The following USH2A variants were observed in gnomAD, a reference collection of about 807,000 sequenced individuals.
USH2A encodes the protein usherin.
In USH2A, 443 loss-of-function variants were observed where a neutral mutation model predicts 538.9. That is an observed-to-expected ratio of 0.82 (90% CI 0.76 to 0.89). The LOEUF (loss-of-function observed/expected upper bound fraction) is 0.89, where lower values mean the gene tolerates loss of function less well. USH2A is among the 40% of genes least tolerant of loss of function. USH2A has a pLI of 0.00. For synonymous variants in USH2A, 2,413 were observed against 2,273.5 expected (o/e 1.06, Z -1.75); for missense variants, 6,633 against 6,324.8 (o/e 1.05, Z -1.65).
rs573498754 is a variant in USH2A, at chr1:216,004,974, A to G, written c.6326-4412T>C. On this transcript the variant is annotated intron_variant, in intron 32 of 71. Transcript: ENST00000307340. ...TCCTCTAACTACTTCAATTTTCCCA[A>G]TGAAGAAAACAAGACCATTTACCAT... Among the ~76,000 whole-genome samples the G allele has an allele frequency of 5.3e-5, 8 of 152,194 alleles. No homozygotes were observed. The South Asian group carries it at 1.0e-3, about 20-fold the overall frequency.
At chr1:215,877,041 C>G (rs1205206589) in intron 43 of USH2A, among the ~76,000 whole-genome samples, 1 of 152,126 alleles carries the variant, frequency 6.6e-6, no homozygotes, top group Non-Finnish European at 1.5e-5. Flanking sequence ...GAAATTTAAT[C>G]ACATTGCTTG....
Position 215,628,826 on chromosome 1 carries a change from G to C in USH2A, c.15507C>G (p.His5169Gln). ...GAAACCAACTCACCAGTCCACTGTT[G>C]TGGCCCATGATGGCTTCCCACAGTG... is the stretch of plus-strand genomic sequence containing the variant. Reference protein sequence around the residue: ...DNSLWEAIMGHNSGLYVDEED... With the variant: ...DNSLWEAIMGQNSGLYVDEED... The change falls in exon 71 of 72, where the codon CAC becomes CAG. Residue 5169 changes from histidine (H) to glutamine (Q), a missense_variant. Transcript: ENST00000307340. The C allele has an allele frequency of 1.2e-6, 2 of 1,614,136 alleles. No homozygotes were observed. The highest frequency in any genetic ancestry group is 1.7e-6 in the Non-Finnish European group (2 of 1,180,014).
rs34577448 is a variant in USH2A, at chr1:215,758,286, CAA to C, written c.11389+307_11389+308del. On this transcript the variant is annotated intron_variant, in intron 58 of 71. Transcript: ENST00000307340. ...GGGCAACAAGAGTGAAACTCCGTCT[CAA>C]AAAAAAAAAAAAAATAGATGAGTAA... Among the ~76,000 whole-genome samples the C allele has an allele frequency of 0.029, 3,862 of 135,194 alleles. 58 individuals carry two copies. Among genetic ancestry groups the C allele is most frequent in the South Asian group, 0.048 (199 of 4,172 alleles). The allele number at this position is 135,194 out of a possible 152,430, so 88.7% of individuals were successfully genotyped here. A position where few individuals can be genotyped will look rare whatever the true frequency, so the allele number is the denominator to read the frequency against.
intron 15 of USH2A, among the ~76,000 whole-genome samples, chr1:216,214,388 C>T (rs541475937): frequency 6.6e-6 from 1 of 152,012 alleles, no homozygotes; most frequent in African/African-American, 2.4e-5. Context: ...AACAATATGA[C>T]TGAACCTCAA....
chr1:215,634,613 G>T lies in USH2A; in HGVS notation c.15143C>A (p.Ala5048Glu). 2 of 1,614,160 alleles carry T rather than the reference G, an allele frequency of 1.2e-6. No individual in the cohort carries two copies. Among genetic ancestry groups the T allele is most frequent in the Non-Finnish European group, 1.7e-6 (2 of 1,180,040 alleles). The change falls in exon 70 of 72, where the codon GCG becomes GAG. Residue 5048 changes from alanine (A) to glutamate (E), a missense_variant. Coordinates refer to ENST00000307340, the MANE Select transcript of USH2A (RefSeq NM_206933.4). ...YSELWFIVLM[A>E]MLGLILLAIF... ...GGCCAACAAGATCAAGCCCAGCATC[G>T]CCATTAACACTATGAACCACAGCTC...
intron 15 of USH2A, among the ~76,000 whole-genome samples, chr1:216,208,899 C>T (rs959277216): frequency 1.3e-5 from 2 of 152,156 alleles, no homozygotes; most frequent in African/African-American, 4.8e-5. Flanking sequence ...TCCTTAGAAA[C>T]TCAGTGCACA....
chr1:216,020,076 T>G (rs1668812790), intron 32 of USH2A, among the ~76,000 whole-genome samples: 1 of 152,174 alleles, frequency 6.6e-6, no homozygotes, highest in Non-Finnish European at 1.5e-5. Context: ...ACAGCAATTT[T>G]CAAATCACAG....
chr1:215,747,401 A>G (rs1660500653), intron 58 of USH2A, among the ~76,000 whole-genome samples: 1 of 152,200 alleles, frequency 6.6e-6, no homozygotes, highest in Non-Finnish European at 1.5e-5. Flanking sequence ...TTTAAAGGCT[A>G]TTCTTCGAGG....
At chr1:216,255,838 C>T (rs73098653) in intron 11 of USH2A, among the ~76,000 whole-genome samples, 24 of 152,134 alleles carry the variant, frequency 1.6e-4, no homozygotes, top group South Asian at 2.1e-4. Context: ...AAATTTTTGC[C>T]GACAAATGTG....
chr1:216,272,732 A>G (rs1263186037), intron 11 of USH2A, among the ~76,000 whole-genome samples: 1 of 152,116 alleles, frequency 6.6e-6, no homozygotes, highest in African/African-American at 2.4e-5. Context: ...TGTGTAATTG[A>G]ATATTGTAGT....
chr1:216,154,125 C>G (rs747662427), intron 21 of USH2A, among the ~76,000 whole-genome samples: 1 of 152,126 alleles, frequency 6.6e-6, no homozygotes, highest in Non-Finnish European at 1.5e-5. Flanking sequence ...TTTTTACTGA[C>G]TAAATTCCTT....
intron 37 of USH2A, among the ~76,000 whole-genome samples, chr1:215,950,727 G>T (rs1412050185): frequency 2.0e-5 from 3 of 151,748 alleles, no homozygotes; most frequent in Non-Finnish European, 4.4e-5. Flanking sequence ...GGACAGGCTG[G>T]TCTTGAACTC....
At chr1:215,819,795 C>T (rs1662961592) in intron 47 of USH2A, among the ~76,000 whole-genome samples, 1 of 151,826 alleles carries the variant, frequency 6.6e-6, no homozygotes, top group East Asian at 1.9e-4. Context: ...AGAACATGAA[C>T]AGTTTGCTTT....
At chr1:216,106,895 G>A (rs2032749156) in intron 21 of USH2A, among the ~76,000 whole-genome samples, 1 of 151,740 alleles carries the variant, frequency 6.6e-6, no homozygotes, top group African/African-American at 2.4e-5. Context: ...TTAGAAATGT[G>A]TTGTTTAATT....
chr1:216,104,109 C>A (rs2032663067), intron 21 of USH2A, among the ~76,000 whole-genome samples: 1 of 151,640 alleles, frequency 6.6e-6, no homozygotes, highest in African/African-American at 2.4e-5. Context: ...GGTACATGTG[C>A]ACAACGTGCA....
At chr1:215,663,576 T>C (rs1003437633) in intron 64 of USH2A, among the ~76,000 whole-genome samples, 3 of 152,092 alleles carry the variant, frequency 2.0e-5, no homozygotes, top group African/African-American at 7.2e-5. Flanking sequence ...CCCGCATACC[T>C]CATGCAGCCC....
intron 55 of USH2A, among the ~76,000 whole-genome samples, chr1:215,772,132 G>A (rs1166615763): frequency 5.3e-5 from 8 of 151,952 alleles, no homozygotes; most frequent in Admixed American, 1.3e-4. Context: ...AGCCTCTATC[G>A]GTAGTCCTTA....
chr1:215,708,320 T>C lies in USH2A; in HGVS notation c.12066+19710A>G, dbSNP rs76443076. 3.6e-3 allele frequency among the ~76,000 whole-genome samples: 554 copies of C among 152,320 alleles called. 26 individuals carry two copies. The East Asian group carries it at 0.093, about 26-fold the overall frequency. The stretch of plus-strand genomic sequence containing the variant: ...TTTGTCTGGTTTATTCACTGTCATA[T>C]ACCCAGTTGGCATATATTAGATGCA... On this transcript the variant is annotated intron_variant, in intron 61 of 71. Transcript: ENST00000307340.
At chr1:216,217,311 G>C in intron 15 of USH2A, 76 bp downstream of exon 15, 2 of 1,580,638 alleles carry the variant, frequency 1.3e-6, no homozygotes, top group Non-Finnish European at 1.7e-6. Flanking sequence ...GTTCTAAATG[G>C]AGAAAGAAAA....
Sources: gnomAD v4.1 joint callset for allele counts (sites outside exome capture counted in the v4.1 genomes callset) on GRCh38, gnomAD v4.1.1 for gene constraint, MANE v1.5 for transcripts, NCBI Gene and HGNC (gene_info 2026-07-23, HGNC 2026-07-21) for gene names.